Variants in PPARGC1B observed in about 807,000 individuals in gnomAD.
PPARGC1B encodes peroxisome proliferator-activated receptor gamma coactivator 1-beta.
A neutral mutation model predicts 101.6 loss-of-function variants in PPARGC1B; 34 were observed. That is an observed-to-expected ratio of 0.33 (90% confidence interval 0.25 to 0.45). PPARGC1B has a LOEUF of 0.45. PPARGC1B is among the 20% of genes least tolerant of loss of function. The pLI is 1.00. For missense variants in PPARGC1B, 1,234 were observed against 1,317.6 expected (o/e 0.94, Z 0.98); for synonymous variants, 548 against 539.3 (o/e 1.02, Z -0.22).
At chr5:149,841,328 C>G (rs2113436023) in intron 9 of PPARGC1B, among the ~76,000 whole-genome samples, 1 of 152,148 alleles carries the variant, frequency 6.6e-6, no homozygotes, top group South Asian at 2.1e-4. Context: ...ATTCAAGAAG[C>G]TGCAAGGAGA....
rs1384940274 is a variant in PPARGC1B, at chr5:149,730,701, G to C, written c.78+281G>C. ...TGCCACCCCGCGGGCAAAACTGGGG[G>C]GTACCGCGCTTCCTTTGGGAGGTGG... On this transcript the variant is annotated intron_variant, in intron 1 of 11. Transcript: ENST00000309241. This position sits in a 1 kb window ranked among gnomAD's most constrained non-coding sequence, Gnocchi z 4.0. Among the ~76,000 whole-genome samples, 3 of 152,176 alleles carry C rather than the reference G, an allele frequency of 2.0e-5. No homozygotes were observed. Among genetic ancestry groups the C allele is most frequent in the African/African-American group, 7.2e-5 (3 of 41,454 alleles).
At chr5:149,802,581 G>A (rs1757465458) in intron 1 of PPARGC1B, among the ~76,000 whole-genome samples, 1 of 151,092 alleles carries the variant, frequency 6.6e-6, no homozygotes, top group Non-Finnish European at 1.5e-5. Context: ...TAACAGTTTG[G>A]ACAGCTGTTA....
chr5:149,816,433 C>T (rs183315019), intron 1 of PPARGC1B, among the ~76,000 whole-genome samples: 10 of 152,330 alleles, frequency 6.6e-5, no homozygotes, highest in African/African-American at 2.4e-4. Flanking sequence ...GGAGATAGAC[C>T]AGCTAGGTTG....
intron 1 of PPARGC1B, among the ~76,000 whole-genome samples, chr5:149,784,137 C>T (rs1326480599): frequency 6.6e-6 from 1 of 152,028 alleles, no homozygotes; most frequent in African/African-American, 2.4e-5. Flanking sequence ...CTTCTTTCTT[C>T]TACTTGGGTT....
At chr5:149,773,340 G>A (rs931771482) in intron 1 of PPARGC1B, among the ~76,000 whole-genome samples, 4 of 152,230 alleles carry the variant, frequency 2.6e-5, no homozygotes, top group East Asian at 1.9e-4. Context: ...GCCTCCTGCC[G>A]GCCTGTCTGC....
chr5:149,817,909 T>G (rs1268974395), intron 1 of PPARGC1B: 1 of 440,622 alleles, frequency 2.3e-6, no homozygotes, highest in Non-Finnish European at 4.6e-6. Flanking sequence ...CAAACAAGAC[T>G]TGTATGCAAG....
In PPARGC1B at chr5:149,741,752, C is replaced by T. The variant is rs531644873; in HGVS notation, c.78+11332C>T. 7.2e-5 allele frequency among the ~76,000 whole-genome samples: 11 copies of T among 152,062 alleles called. 1 individual carries two copies. The highest frequency in any genetic ancestry group is 5.2e-4 in the Admixed American group (8 of 15,274). On this transcript the variant is annotated intron_variant, in intron 1 of 11. Transcript: ENST00000309241. ...AAGTGATTCTCCTGCCTCAGCCTCC[C>T]GAGTAGCTGGGATTACAGGCGTCTG...
chr5:149,840,167 G>C, intron 9 of PPARGC1B, 51 bp downstream of exon 9: 2 of 1,544,948 alleles, frequency 1.3e-6, no homozygotes, highest in Non-Finnish European at 1.8e-6. Context: ...CGGACAGGAA[G>C]TGTGTGGGGG....
In PPARGC1B at chr5:149,788,102, G is replaced by A. The variant is rs556344675; in HGVS notation, c.79-32331G>A. 3.3e-5 allele frequency among the ~76,000 whole-genome samples: 5 copies of A among 152,288 alleles called. No homozygotes were observed. The East Asian group carries it at 5.8e-4, about 18-fold the overall frequency. On this transcript the variant is annotated intron_variant, in intron 1 of 11. Transcript: ENST00000309241. ...AATCTAATTGAACTAAAGAGCTTCT[G>A]CACAGCAAAAGAAACTACCATCAGA...
rs1312138260 is a variant in PPARGC1B at position 149,852,888 on chromosome 5, G to A, written c.*5330G>A. On this transcript the variant is annotated 3_prime_UTR_variant, in exon 12 of 12. Transcript: ENST00000309241. Reference sequence around the variant, plus strand: ...GTGACTGAGCCTTCGTGATTCCTGGGGACAGCTTTTCAGATACTCTGTTTC... The same window carrying A: ...GTGACTGAGCCTTCGTGATTCCTGGAGACAGCTTTTCAGATACTCTGTTTC... 1 of 151,996 alleles carries A rather than the reference G, an allele frequency of 6.6e-6. No homozygotes were observed. Among genetic ancestry groups the A allele is most frequent in the African/African-American group, 2.4e-5 (1 of 41,360 alleles). 9.4% of individuals were successfully genotyped at this position (151,996 alleles called of 1,614,324 possible).
intron 1 of PPARGC1B, among the ~76,000 whole-genome samples, chr5:149,741,564 A>G (rs1160063114): frequency 6.6e-6 from 1 of 152,166 alleles, no homozygotes; most frequent in Non-Finnish European, 1.5e-5. Context: ...CTATTTGTCA[A>G]ATACTGTGTT....
At chr5:149,805,691 C>T (rs995494184) in intron 1 of PPARGC1B, among the ~76,000 whole-genome samples, 6 of 152,322 alleles carry the variant, frequency 3.9e-5, no homozygotes, top group African/African-American at 1.4e-4. Context: ...CTGACCCACC[C>T]ACCTTGGTGC....
intron 1 of PPARGC1B, among the ~76,000 whole-genome samples, chr5:149,745,342 G>A (rs1313016543): frequency 6.6e-6 from 1 of 152,154 alleles, no homozygotes; most frequent in Non-Finnish European, 1.5e-5. Flanking sequence ...AGCCATGAGT[G>A]CACATCAGAA....
Position 149,783,664 on chromosome 5 carries a change from T to C in PPARGC1B, c.79-36769T>C, listed in dbSNP as rs371559796. ...GCTCTCTGCTGTCTCACCACCGCAC[T>C]TGAGACAGGGTCCCTCTCCCTCTCC... On this transcript the variant is annotated intron_variant, in intron 1 of 11. Transcript: ENST00000309241. Among the ~76,000 whole-genome samples the C allele has an allele frequency of 2.6e-5, 4 of 152,194 alleles. No individual in the cohort carries two copies. In the East Asian group the frequency reaches 7.7e-4, roughly 29 times the overall value.
intron 1 of PPARGC1B, among the ~76,000 whole-genome samples, chr5:149,802,320 G>A (rs897652612): frequency 2.6e-5 from 4 of 152,172 alleles, no homozygotes; most frequent in Non-Finnish European, 4.4e-5. Flanking sequence ...CTCAATTTGC[G>A]ACGTGAGCTG....
intron 3 of PPARGC1B, among the ~76,000 whole-genome samples, chr5:149,830,111 A>G (rs1329635668): frequency 2.0e-5 from 3 of 151,090 alleles, no homozygotes; most frequent in Non-Finnish European, 2.9e-5. Context: ...ATATACTTGC[A>G]TAATGAAAGC....
At chr5:149,785,839 T>A (rs1398320691) in intron 1 of PPARGC1B, among the ~76,000 whole-genome samples, 1 of 151,754 alleles carries the variant, frequency 6.6e-6, no homozygotes, top group Non-Finnish European at 1.5e-5. Flanking sequence ...AACTATGAGG[T>A]AAGCTGCCCA....
rs111328870 is a variant in PPARGC1B at position 149,814,445 on chromosome 5, G to A, written c.79-5988G>A. ...GAGCAGGGTGTTCTCCAGAGGGCCT[G>A]TCTGGTTTTATGTTCTCTTTTCCAG... On this transcript the variant is annotated intron_variant, in intron 1 of 11. Transcript: ENST00000309241. Among the ~76,000 whole-genome samples the A allele has an allele frequency of 4.7e-3, 716 of 152,290 alleles. 9 individuals carry two copies. The highest frequency in any genetic ancestry group is 0.016 in the African/African-American group (681 of 41,558).
intron 1 of PPARGC1B, among the ~76,000 whole-genome samples, chr5:149,753,663 G>T (rs1755401095): frequency 6.6e-6 from 1 of 152,068 alleles, no homozygotes; most frequent in Non-Finnish European, 1.5e-5. Flanking sequence ...GAGGGGAATT[G>T]CTCAGTTAAA....
Sources: allele counts gnomAD v4.1 joint callset (sites outside exome capture counted in the v4.1 genomes callset), GRCh38; gene constraint gnomAD v4.1.1; non-coding constraint Gnocchi (gnomAD v3.1); transcripts MANE v1.5; gene names NCBI Gene and HGNC (gene_info 2026-07-23, HGNC 2026-07-21).